SSH1: variants seen among roughly 807,000 people sequenced by gnomAD.
The protein encoded by SSH1 is protein phosphatase Slingshot homolog 1.
A neutral mutation model predicts 79.7 loss-of-function variants in SSH1; 43 were observed. The observed-to-expected ratio is 0.54, with a 90% confidence interval of 0.42 to 0.70. SSH1 has a LOEUF of 0.70. Ranked by LOEUF, SSH1 falls within the 30% of genes least tolerant of loss-of-function variation. The pLI is 0.00. For missense variants in SSH1, 1,206 were observed against 1,358.8 expected (o/e 0.89, Z 1.77); for synonymous variants, 599 against 538.3 (o/e 1.11, Z -1.56).
At chr12:108,802,193 G>A in intron 11 of SSH1, 129 bp downstream of exon 11, 3 of 766,232 alleles carry the variant, frequency 3.9e-6, no homozygotes, top group East Asian at 2.6e-5. Context: ...TCAACCCCTG[G>A]CAGCCACTTC....
chr12:108,804,698 T>A (rs1344984447), intron 10 of SSH1, among the ~76,000 whole-genome samples: 1 of 152,180 alleles, frequency 6.6e-6, no homozygotes, highest in African/African-American at 2.4e-5. Flanking sequence ...TAACTGGGGT[T>A]TTTTAGCCCA....
At chr12:108,827,955 G>A (rs1031904277) in intron 2 of SSH1, among the ~76,000 whole-genome samples, 7 of 152,182 alleles carry the variant, frequency 4.6e-5, no homozygotes, top group Admixed American at 3.9e-4. Context: ...TCTGGGATAC[G>A]CACGGTGCCC....
chr12:108,781,185 G>A lies in SSH1; in HGVS notation c.*6803C>T, dbSNP rs1001023792. On this transcript the variant is annotated 3_prime_UTR_variant, in exon 15 of 15. Transcript: ENST00000326495. ...TATAATCTCAACACTTTGGGAGGCT[G>A]AGGCAGGAGGATCATCAGAAACCAG... is the stretch of plus-strand genomic sequence containing the variant. 1.3e-5 allele frequency: 2 copies of A among 152,192 alleles called. No homozygotes were observed. Among genetic ancestry groups the A allele is most frequent in the African/African-American group, 2.4e-5 (1 of 41,424 alleles). The allele number at this position is 152,192 out of a possible 1,614,324, so 9.4% of individuals were successfully genotyped here.
intron 1 of SSH1, among the ~76,000 whole-genome samples, chr12:108,855,028 T>C (rs957256244): frequency 1.3e-5 from 2 of 152,202 alleles, no homozygotes; most frequent in African/African-American, 4.8e-5. Flanking sequence ...TTACTTTATG[T>C]TTATCAGGGT....
chr12:108,845,197 G>GAAAAAAAAAAAAAAAAGT (rs2038870464), intron 2 of SSH1, among the ~76,000 whole-genome samples: 1 of 59,822 alleles, frequency 1.7e-5, no homozygotes, highest in African/African-American at 6.0e-5. Flanking sequence ...CAACAGAGCA[G>GAAAAAAAAAAAAAAAAGT]AAAAAAAAAA....
intron 2 of SSH1, among the ~76,000 whole-genome samples, chr12:108,842,568 C>T (rs1402153088): frequency 3.9e-5 from 6 of 152,214 alleles, no homozygotes; most frequent in Non-Finnish European, 7.3e-5. Context: ...GAAGGGGATA[C>T]GTGACAATCC....
intron 14 of SSH1, 139 bp downstream of exon 14, chr12:108,792,147 C>T: frequency 1.3e-6 from 2 of 1,515,760 alleles, no homozygotes; most frequent in Non-Finnish European, 8.9e-7. Flanking sequence ...GAGCTGGGGG[C>T]CCAGAGGAGA....
Position 108,783,889 on chromosome 12 carries a change from A to G in SSH1, c.*4099T>C, listed in dbSNP as rs561192559. The G allele has an allele frequency of 2.6e-4, 39 of 152,390 alleles. No individual in the cohort carries two copies. Among genetic ancestry groups the G allele is most frequent in the African/African-American group, 9.4e-4 (39 of 41,578 alleles). The allele number at this position is 152,390 out of a possible 1,614,324, so 9.4% of individuals were successfully genotyped here. On this transcript the variant is annotated 3_prime_UTR_variant, in exon 15 of 15. Coordinates refer to ENST00000326495, the MANE Select transcript of SSH1 (RefSeq NM_018984.4). ...GGAATCTGGGTAGTGGGACCAAGACAAGTGAGCCTGCTCTGTGCTAGCCAG... is the reference window on the plus strand; with the variant it reads ...GGAATCTGGGTAGTGGGACCAAGACGAGTGAGCCTGCTCTGTGCTAGCCAG...
At chr12:108,794,076 T>C (rs1287224519) in intron 13 of SSH1, among the ~76,000 whole-genome samples, 1 of 152,220 alleles carries the variant, frequency 6.6e-6, no homozygotes, top group Non-Finnish European at 1.5e-5. Flanking sequence ...AGTCCACAGT[T>C]GGCCGGCCCT....
At chr12:108,855,719 G>A (rs1401901754) in intron 1 of SSH1, among the ~76,000 whole-genome samples, 4 of 152,168 alleles carry the variant, frequency 2.6e-5, no homozygotes, top group South Asian at 2.1e-4. Context: ...GCCCCTCCTC[G>A]CTGTGGGAAG....
At chr12:108,852,489 C>CA in intron 2 of SSH1, 149 bp downstream of exon 2, 5 of 908,576 alleles carry the variant, frequency 5.5e-6, no homozygotes, top group Non-Finnish European at 9.1e-6. Flanking sequence ...CTCAGCCTCC[C>CA]AAAGTGCTGG....
At position 108,788,481 on chromosome 12, in the gene SSH1, G is replaced by A. The variant is rs780341554; in HGVS notation, c.2657C>T (p.Ala886Val). The A allele has an allele frequency of 2.6e-6, 4 of 1,556,678 alleles. No individual in the cohort carries two copies. The highest frequency in any genetic ancestry group is 1.7e-4 in the Middle Eastern group (1 of 5,792). Reference protein sequence around the residue: ...QAGSDEKSEAAPASLEGGSLK... With the variant: ...QAGSDEKSEAVPASLEGGSLK... ...TGAGCCTCCTTCCAATGAAGCGGGGGCGGCCTCTGACTTCTCATCACTCCC... is the reference window on the plus strand; with the variant it reads ...TGAGCCTCCTTCCAATGAAGCGGGGACGGCCTCTGACTTCTCATCACTCCC... Residue 886 changes from alanine to valine, a missense_variant, in exon 15 of 15, where the codon GCC (alanine) becomes GTC (valine). Physicochemically the swap from Ala to Val is moderately conservative, Grantham distance 64. This residue lies in a region of SSH1 where 709 missense variants were observed against 730.6 expected (regional missense o/e 0.97). Transcript: ENST00000326495.
In SSH1 at chr12:108,788,430, T is replaced by A; in HGVS notation, c.2708A>T (p.Tyr903Phe). Residue 903 changes from tyrosine (Y) to phenylalanine (F), a missense_variant, in exon 15 of 15, where the codon TAC becomes TTC. Transcript: ENST00000326495. ...GSLKSPPPFF[Y>F]RLDHTSSFSK... ...GAAACTACTGGTGTGGTCCAGGCGG[T>A]AGAAGAAAGGAGGGGGGCTCTTCAG... The A allele has an allele frequency of 6.3e-7, 1 of 1,587,174 alleles. No individual in the cohort carries two copies. Among genetic ancestry groups the A allele is most frequent in the East Asian group, 2.2e-5 (1 of 44,678 alleles).
In SSH1 at chr12:108,787,912, C is replaced by G; in HGVS notation, c.*76G>C. 6.4e-7 allele frequency: 1 copy of G among 1,568,304 alleles called. No individual in the cohort carries two copies. The highest frequency in any genetic ancestry group is 8.8e-7 in the Non-Finnish European group (1 of 1,141,792). ...TAAGGGAAATCAAGATGTAAGGGGT[C>G]GATCCAAATCCACAGTGAAAGTGAG... On this transcript the variant is annotated 3_prime_UTR_variant, in exon 15 of 15. Transcript: ENST00000326495.
intron 10 of SSH1, 148 bp from the exon 11 acceptor site, chr12:108,802,516 T>C: frequency 1.4e-6 from 1 of 725,782 alleles, no homozygotes; most frequent in Non-Finnish European, 2.5e-6. Context: ...CAGCGGCTGA[T>C]ATTCAAGGAG....
rs1219176817 is a variant in SSH1 at position 108,782,146 on chromosome 12, A to T, written c.*5842T>A. Reference sequence around the variant, plus strand: ...AGACCCAGTCTCAAAAAAAAAAAAAAAAAAATTAAAAAAAAAAAAATGGAA... The same window carrying T: ...AGACCCAGTCTCAAAAAAAAAAAAATAAAAATTAAAAAAAAAAAAATGGAA... On this transcript the variant is annotated 3_prime_UTR_variant, in exon 15 of 15. Coordinates refer to ENST00000326495, the MANE Select transcript of SSH1 (RefSeq NM_018984.4). The T allele has an allele frequency of 6.6e-6, 1 of 151,080 alleles. No homozygotes were observed. The highest frequency in any genetic ancestry group is 2.4e-5 in the African/African-American group (1 of 41,048). 9.4% of individuals were successfully genotyped at this position (151,080 alleles called of 1,614,324 possible).
rs200454447 is a variant in SSH1, at chr12:108,806,289, G to A, written c.825+12C>T. Reference sequence around the variant, plus strand: ...GACCTCTGACCTGCAATGAAGGGAGGAGTTGTCTTACCTCTTTGGAAGTCA... The same window carrying A: ...GACCTCTGACCTGCAATGAAGGGAGAAGTTGTCTTACCTCTTTGGAAGTCA... On this transcript the variant is annotated intron_variant, in intron 9 of 14. Transcript: ENST00000326495. 5 of 1,612,258 alleles carry A rather than the reference G, an allele frequency of 3.1e-6. No homozygotes were observed. In the Admixed American group the frequency reaches 5.0e-5, roughly 16 times the overall value.
chr12:108,818,734 C>T (rs1313945837), intron 3 of SSH1, among the ~76,000 whole-genome samples: 2 of 152,146 alleles, frequency 1.3e-5, no homozygotes, highest in Non-Finnish European at 2.9e-5. Flanking sequence ...AGAAAAAGGA[C>T]AGAGCATCAC....
chr12:108,810,347 C>T (rs1360953973), intron 6 of SSH1, among the ~76,000 whole-genome samples: 1 of 151,790 alleles, frequency 6.6e-6, no homozygotes, highest in African/African-American at 2.4e-5. Context: ...CATGGTGAAA[C>T]CCCGTCTTTA....
Sources: gnomAD v4.1 joint callset for allele counts (sites outside exome capture counted in the v4.1 genomes callset) on GRCh38, gnomAD v4.1.1 for gene constraint, gnomAD v4.1.1 regional missense constraint, MANE v1.5 for transcripts, NCBI Gene and HGNC (gene_info 2026-07-23, HGNC 2026-07-21) for gene names.